The following SPSB1 variants were observed in gnomAD, a reference collection of about 807,000 sequenced individuals.
The protein encoded by SPSB1 is splA/ryanodine receptor domain and SOCS box containing 1, also known as SPRY domain-containing SOCS box protein 1.
Under a neutral mutation model 21.2 loss-of-function variants are expected in SPSB1, and 8 were observed. That is an observed-to-expected ratio of 0.38 (90% confidence interval 0.22 to 0.68). SPSB1 has a LOEUF of 0.68. Among genes scored for constraint, SPSB1 ranks in the 30% least tolerant of loss-of-function variants. The probability of loss-of-function intolerance (pLI) is 0.53; values close to 1 mark genes in which losing one functional copy is unlikely to be tolerated. For missense variants in SPSB1, 242 were observed against 377.8 expected, an observed-to-expected ratio of 0.64 and a Z score of 2.98; for synonymous variants, 169 against 161.7, an observed-to-expected ratio of 1.05 and a Z score of -0.34.
At chr1:9,322,418 C>T (rs898172587) in intron 1 of SPSB1, among the ~76,000 whole-genome samples, 2 of 152,190 alleles carry the variant, frequency 1.3e-5, no homozygotes, top group African/African-American at 2.4e-5. Flanking sequence ...ACGTTTTCAG[C>T]AGATTCTCTT....
At chr1:9,335,428 G>A (rs1639989175) in intron 1 of SPSB1, among the ~76,000 whole-genome samples, 1 of 151,702 alleles carries the variant, frequency 6.6e-6, no homozygotes. Context: ...CTTGAACCCA[G>A]GAGGTGAAGG....
rs1034939445 is a variant in SPSB1 at position 9,363,238 on chromosome 1, C to T, written c.695-4210C>T. On this transcript the variant is annotated intron_variant, in intron 2 of 2. Coordinates refer to ENST00000328089, the MANE Select transcript of SPSB1 (RefSeq NM_025106.4). The surrounding 1 kb of genome is among the most constrained non-coding windows in gnomAD (Gnocchi z 4.5). ...TCCTGCAAGATCAAGGAGGCGTGACCTGTTTATGTACTTGAGGACCCAGAG... is the reference window on the plus strand; with the variant it reads ...TCCTGCAAGATCAAGGAGGCGTGACTTGTTTATGTACTTGAGGACCCAGAG... 1.3e-5 allele frequency among the ~76,000 whole-genome samples: 2 copies of T among 152,206 alleles called. No individual in the cohort carries two copies. Among genetic ancestry groups the T allele is most frequent in the Admixed American group, 1.3e-4 (2 of 15,278 alleles).
chr1:9,305,415 C>T lies in SPSB1; in HGVS notation c.-150+12344C>T, dbSNP rs1216741496. Among the ~76,000 whole-genome samples, 1 of 152,200 alleles carries T rather than the reference C, an allele frequency of 6.6e-6. No homozygotes were observed. Among genetic ancestry groups the T allele is most frequent in the Non-Finnish European group, 1.5e-5 (1 of 68,040 alleles). On this transcript the variant is annotated intron_variant, in intron 1 of 2. Transcript: ENST00000328089. The surrounding 1 kb of genome is among the most constrained non-coding windows in gnomAD (Gnocchi z 4.8). ...TGGGCAGCCCAGTGACCTGTGGGCT[C>T]CAGGAGGGCAGGACCCGGCCGGCCA...
At chr1:9,344,895 C>T (rs1439514367) in intron 1 of SPSB1, among the ~76,000 whole-genome samples, 1 of 152,142 alleles carries the variant, frequency 6.6e-6, no homozygotes, top group African/African-American at 2.4e-5. Flanking sequence ...AGGACCACTC[C>T]CAGAGGTGAC....
At chr1:9,337,471 T>C (rs1053774577) in intron 1 of SPSB1, among the ~76,000 whole-genome samples, 1 of 151,696 alleles carries the variant, frequency 6.6e-6, no homozygotes, top group Non-Finnish European at 1.5e-5. Flanking sequence ...CCTCCATGGT[T>C]TGGGGACAGG....
chr1:9,344,740 C>T (rs1237901258), intron 1 of SPSB1, among the ~76,000 whole-genome samples: 1 of 152,054 alleles, frequency 6.6e-6, no homozygotes, highest in African/African-American at 2.4e-5. Context: ...GAGTGGATGC[C>T]CGGCCCCCTG....
chr1:9,302,557 C>T (rs1201768949), intron 1 of SPSB1, among the ~76,000 whole-genome samples: 29 of 152,140 alleles, frequency 1.9e-4, no homozygotes, highest in Admixed American at 1.8e-3. Context: ...TCTTCTCCTG[C>T]GCTTGGATGT....
intron 1 of SPSB1, among the ~76,000 whole-genome samples, chr1:9,349,346 C>T (rs1244516556): frequency 1.3e-5 from 2 of 152,248 alleles, no homozygotes; most frequent in African/African-American, 2.4e-5. Context: ...GTGACGTGTC[C>T]TCTCCCTTTA....
In SPSB1 at chr1:9,345,776, T is replaced by A. The variant is rs907460428; in HGVS notation, c.-149-9967T>A. Among the ~76,000 whole-genome samples the A allele has an allele frequency of 1.3e-5, 2 of 152,224 alleles. No homozygotes were observed. Among genetic ancestry groups the A allele is most frequent in the African/African-American group, 4.8e-5 (2 of 41,458 alleles). ...TAGAGCTCTGGACCGTGTGGGATTT[T>A]CTCTCCAAAATCACTTGTCAGAACT... On this transcript the variant is annotated intron_variant, in intron 1 of 2. Coordinates refer to ENST00000328089, the MANE Select transcript of SPSB1 (RefSeq NM_025106.4). This position sits in a 1 kb window ranked among gnomAD's most constrained non-coding sequence, Gnocchi z 4.8.
rs544772763 is a variant in SPSB1, at chr1:9,344,957, C to G, written c.-149-10786C>G. Among the ~76,000 whole-genome samples, 16 of 152,298 alleles carry G rather than the reference C, an allele frequency of 1.1e-4. 1 individual carries two copies. Among genetic ancestry groups the G allele is most frequent in the African/African-American group, 3.6e-4 (15 of 41,566 alleles). On this transcript the variant is annotated intron_variant, in intron 1 of 2. Coordinates refer to ENST00000328089, the MANE Select transcript of SPSB1 (RefSeq NM_025106.4). ...GAGAGGTCAGAGTGTCACTGGCTCCCATTCAGGCCTTGGCACCCTGAAAGC... is the reference window on the plus strand; with the variant it reads ...GAGAGGTCAGAGTGTCACTGGCTCCGATTCAGGCCTTGGCACCCTGAAAGC...
chr1:9,330,210 G>A (rs1413256988), intron 1 of SPSB1, among the ~76,000 whole-genome samples: 2 of 152,214 alleles, frequency 1.3e-5, no homozygotes, highest in East Asian at 3.8e-4. Context: ...GCTCACGCCT[G>A]TAATCCCAGC....
At chr1:9,306,707 C>T (rs764435819) in intron 1 of SPSB1, among the ~76,000 whole-genome samples, 8 of 152,062 alleles carry the variant, frequency 5.3e-5, no homozygotes, top group Non-Finnish European at 4.4e-5. Context: ...AAGAAATGAG[C>T]GATCCGAGAG....
intron 1 of SPSB1, among the ~76,000 whole-genome samples, chr1:9,354,975 T>C (rs1453774788): frequency 6.6e-6 from 1 of 152,138 alleles, no homozygotes; most frequent in Non-Finnish European, 1.5e-5. Context: ...CCAGATGTGC[T>C]GTTGAGACCC....
chr1:9,337,541 C>A (rs2100498056), intron 1 of SPSB1, among the ~76,000 whole-genome samples: 1 of 152,116 alleles, frequency 6.6e-6, no homozygotes, highest in African/African-American at 2.4e-5. Flanking sequence ...AGGGGTGCAC[C>A]CTAACCTCGC....
At chr1:9,326,279 G>C (rs1021249014) in intron 1 of SPSB1, among the ~76,000 whole-genome samples, 3 of 152,150 alleles carry the variant, frequency 2.0e-5, no homozygotes, top group Admixed American at 2.0e-4. Flanking sequence ...CCCAAGGGCT[G>C]GGCAGGTTGC....
At chr1:9,307,213 C>T (rs1358872495) in intron 1 of SPSB1, among the ~76,000 whole-genome samples, 1 of 152,198 alleles carries the variant, frequency 6.6e-6, no homozygotes, top group Non-Finnish European at 1.5e-5. Context: ...CAGGCATGAG[C>T]CACTGTGCCT....
chr1:9,340,093 T>C (rs504357), intron 1 of SPSB1, among the ~76,000 whole-genome samples: 124,688 of 152,126 alleles, frequency 0.82, 52,251 homozygotes, highest in Non-Finnish European at 0.92. Context: ...AGCAAGCTCC[T>C]GGGTGATGGT....
chr1:9,366,249 A>G lies in SPSB1; in HGVS notation c.695-1199A>G, dbSNP rs1342888638. ...TGGGGCAGTTGCGGGGAGAAGGCCC[A>G]GGCAGCTCTGGGGGATCAGCTGAAA... On this transcript the variant is annotated intron_variant, in intron 2 of 2. Transcript: ENST00000328089. Among the ~76,000 whole-genome samples, 4 of 152,350 alleles carry G rather than the reference A, an allele frequency of 2.6e-5. 1 individual carries two copies. Among genetic ancestry groups the G allele is most frequent in the Non-Finnish European group, 5.9e-5 (4 of 68,028 alleles).
In SPSB1 at chr1:9,309,174, T is replaced by A. The variant is rs530502084; in HGVS notation, c.-150+16103T>A. Among the ~76,000 whole-genome samples the A allele has an allele frequency of 4.0e-5, 6 of 151,856 alleles. No homozygotes were observed. The East Asian group carries it at 7.8e-4, about 20-fold the overall frequency. Reference sequence around the variant, plus strand: ...GTCGTCGGTGGGCATGGGGTGTCCTTGCACTTCCATGCCATTCACCTCCAA... The same window carrying A: ...GTCGTCGGTGGGCATGGGGTGTCCTAGCACTTCCATGCCATTCACCTCCAA... On this transcript the variant is annotated intron_variant, in intron 1 of 2. Coordinates refer to ENST00000328089, the MANE Select transcript of SPSB1 (RefSeq NM_025106.4).
Sources: allele counts gnomAD v4.1 joint callset (sites outside exome capture counted in the v4.1 genomes callset), GRCh38; gene constraint gnomAD v4.1.1; non-coding constraint Gnocchi (gnomAD v3.1); transcripts MANE v1.5; gene names NCBI Gene and HGNC (gene_info 2026-07-23, HGNC 2026-07-21).